Variants in LINGO1 observed in about 807,000 individuals in gnomAD.
The protein encoded by LINGO1 is leucine rich repeat and Ig domain containing 1, also known as leucine-rich repeat and immunoglobulin-like domain-containing nogo receptor-interacting protein 1.
Under a neutral mutation model 37.3 loss-of-function variants are expected in LINGO1, and 11 were observed. That is an observed-to-expected ratio of 0.29 (90% CI 0.19 to 0.49). LINGO1 has a LOEUF of 0.49. LINGO1 is among the 20% of genes least tolerant of loss of function. The pLI is 0.99. For synonymous variants in LINGO1, 387 were observed against 403.0 expected (o/e 0.96, Z 0.48); for missense variants, 585 against 878.2 (o/e 0.67, Z 4.22).
chr15:77,619,161 ATG>A (rs2073840338), intron 1 of LINGO1, among the ~76,000 whole-genome samples: 1 of 151,786 alleles, frequency 6.6e-6, no homozygotes, highest in Non-Finnish European at 1.5e-5. Context: ...TGGTTCAGTC[ATG>A]GGTGTGTGTG....
chr15:77,684,807 G>A (rs1014609316), intron 2 of LINGO1, among the ~76,000 whole-genome samples: 1 of 152,122 alleles, frequency 6.6e-6, no homozygotes. Context: ...GCCAGGCCCA[G>A]GGGGCAACTG....
rs375230309 is a variant in LINGO1, at chr15:77,653,280, C to T, written c.-13+23809G>A. ...AGTCTTTAGTCACTGTCCTTGCCTGCTGTTCTTTCCCCACCAGGCCTTGGC... is the reference window on the plus strand; with the variant it reads ...AGTCTTTAGTCACTGTCCTTGCCTGTTGTTCTTTCCCCACCAGGCCTTGGC... On this transcript the variant is annotated intron_variant, in intron 3 of 3. Coordinates refer to the LINGO1 transcript ENST00000559893. 1.0e-3 allele frequency among the ~76,000 whole-genome samples: 159 copies of T among 152,318 alleles called. 3 individuals carry two copies. The South Asian group carries it at 0.027, about 26-fold the overall frequency.
chr15:77,757,380 T>TG (rs1158959814), intron 1 of LINGO1, among the ~76,000 whole-genome samples: 2 of 152,118 alleles, frequency 1.3e-5, no homozygotes, highest in East Asian at 3.9e-4. Flanking sequence ...CAGCATCATA[T>TG]GGGGGGTGGT....
intron 3 of LINGO1, among the ~76,000 whole-genome samples, chr15:77,656,161 G>A (rs536474997): frequency 6.6e-6 from 1 of 152,292 alleles, no homozygotes; most frequent in South Asian, 2.1e-4. Context: ...ATGCAGGGCT[G>A]TGTGTTTTAA....
Position 77,733,602 on chromosome 15 carries a change from C to T in LINGO1, c.-195+1390G>A, listed in dbSNP as rs543406971. Among the ~76,000 whole-genome samples, 9 of 152,276 alleles carry T rather than the reference C, an allele frequency of 5.9e-5. No homozygotes were observed. In the South Asian group the frequency reaches 1.0e-3, roughly 18 times the overall value. The stretch of plus-strand genomic sequence containing the variant: ...GAGACCAAGACCAAATCCTACCTCG[C>T]GACCGAGGCCTCAGGAAGGGAACAA... On this transcript the variant is annotated intron_variant, in intron 2 of 3. Transcript: ENST00000561686.
chr15:77,815,653 TG>T (rs1468508885), intron 1 of LINGO1, among the ~76,000 whole-genome samples: 2 of 152,172 alleles, frequency 1.3e-5, no homozygotes, highest in African/African-American at 4.8e-5. Flanking sequence ...TTGCCACCTC[TG>T]TATGCCCAGG....
intron 1 of LINGO1, among the ~76,000 whole-genome samples, chr15:77,693,141 A>G (rs1285402647): frequency 1.3e-5 from 2 of 152,232 alleles, no homozygotes; most frequent in Non-Finnish European, 2.9e-5. Context: ...CCACAATGGC[A>G]TCATCTGCTA....
At chr15:77,704,688 G>C (rs920718617) in intron 2 of LINGO1, among the ~76,000 whole-genome samples, 20 of 149,022 alleles carry the variant, frequency 1.3e-4, no homozygotes, top group African/African-American at 4.0e-4. Flanking sequence ...CCTAGTCACA[G>C]ACTGGGCTCG....
intron 2 of LINGO1, among the ~76,000 whole-genome samples, chr15:77,711,006 T>C (rs371554733): frequency 2.4e-4 from 36 of 152,358 alleles, no homozygotes; most frequent in African/African-American, 8.4e-4. Flanking sequence ...CTGCCTCTTC[T>C]GTTCCAGTGG....
intron 2 of LINGO1, among the ~76,000 whole-genome samples, chr15:77,793,642 T>C (rs909616487): frequency 1.3e-5 from 2 of 152,144 alleles, no homozygotes; most frequent in Admixed American, 6.5e-5. Context: ...ACCATCAAAA[T>C]ACACAACAGA....
chr15:77,746,068 C>T (rs1438941564), intron 1 of LINGO1, among the ~76,000 whole-genome samples: 1 of 151,768 alleles, frequency 6.6e-6, no homozygotes, highest in African/African-American at 2.4e-5. Context: ...ATTATATGGG[C>T]ATGGTGGCAT....
intron 1 of LINGO1, among the ~76,000 whole-genome samples, chr15:77,616,251 C>T (rs1382148091): frequency 6.6e-6 from 1 of 152,208 alleles, no homozygotes; most frequent in East Asian, 1.9e-4. Context: ...CACAGCTCCC[C>T]TGGTGCTCAT....
chr15:77,704,489 G>C (rs1383488995), intron 2 of LINGO1, among the ~76,000 whole-genome samples: 1 of 151,162 alleles, frequency 6.6e-6, no homozygotes, highest in African/African-American at 2.4e-5. Context: ...CTCTGACCCT[G>C]GTCACAGACT....
upstream of LINGO1, among the ~76,000 whole-genome samples, chr15:77,789,945 T>A (rs1433901785): frequency 3.3e-5 from 5 of 152,128 alleles, no homozygotes; most frequent in South Asian, 2.1e-4. Context: ...CTATTTTTTT[T>A]ATCTTTTGTA....
chr15:77,785,799 C>T (rs1246517258), intron 1 of LINGO1, among the ~76,000 whole-genome samples: 1 of 152,214 alleles, frequency 6.6e-6, no homozygotes, highest in Non-Finnish European at 1.5e-5. Context: ...CCTGACTTCC[C>T]CAGCTTTTAT....
intron 1 of LINGO1, among the ~76,000 whole-genome samples, chr15:77,624,308 T>G (rs1319245277): frequency 6.6e-6 from 1 of 151,866 alleles, no homozygotes; most frequent in Admixed American, 6.6e-5. Context: ...ATCACTCAGG[T>G]GCGCTTTGGG....
intron 1 of LINGO1, among the ~76,000 whole-genome samples, chr15:77,627,587 A>C (rs1164702171): frequency 6.6e-6 from 1 of 152,220 alleles, no homozygotes; most frequent in African/African-American, 2.4e-5. Flanking sequence ...TTAAGTGCTC[A>C]GCAATGCCAG....
intron 1 of LINGO1, among the ~76,000 whole-genome samples, chr15:77,630,263 G>T (rs1012882834): frequency 3.9e-5 from 6 of 152,034 alleles, no homozygotes; most frequent in Admixed American, 6.5e-5. Flanking sequence ...ACGAATGACT[G>T]CACTGCCTTA....
chr15:77,803,679 G>A (rs2076937187), intron 1 of LINGO1, among the ~76,000 whole-genome samples: 1 of 151,892 alleles, frequency 6.6e-6, no homozygotes, highest in Non-Finnish European at 1.5e-5. Context: ...CTGAGATCTG[G>A]CCGTTTGAAA....
Sources: allele counts gnomAD v4.1 joint callset (sites outside exome capture counted in the v4.1 genomes callset), GRCh38; gene constraint gnomAD v4.1.1; transcripts MANE v1.5; gene names NCBI Gene and HGNC (gene_info 2026-07-23, HGNC 2026-07-21).